The following CTNND2 variants were observed in gnomAD, a reference collection of about 807,000 sequenced individuals.
CTNND2 encodes the protein catenin delta-2.
In CTNND2, 22 loss-of-function variants were observed where a neutral mutation model predicts 144.4. The observed-to-expected ratio is 0.15, with a 90% CI of 0.11 to 0.22. The LOEUF (loss-of-function observed/expected upper bound fraction) is 0.22. Among genes scored for constraint, CTNND2 ranks in the 10% least tolerant of loss-of-function variants. The pLI, the probability that CTNND2 is intolerant of heterozygous loss-of-function variation, is 1.00. For missense variants in CTNND2, 1,353 were observed against 1,618.8 expected, an observed-to-expected ratio of 0.84 and a Z score of 2.82; for synonymous variants, 751 against 695.6, an observed-to-expected ratio of 1.08 and a Z score of -1.25.
intron 11 of CTNND2, among the ~76,000 whole-genome samples, chr5:11,160,736 G>C (rs1020120309): frequency 6.6e-6 from 1 of 152,174 alleles, no homozygotes; most frequent in African/African-American, 2.4e-5. Context: ...AATAGAACTT[G>C]TAGCTTATGT....
chr5:11,369,784 G>GAAT (rs1757297926), intron 7 of CTNND2, among the ~76,000 whole-genome samples: 5 of 150,180 alleles, frequency 3.3e-5, no homozygotes, highest in Admixed American at 2.8e-4. Flanking sequence ...TGGGATAGGG[G>GAAT]GATCAAGAAA....
chr5:11,286,607 G>A (rs982879360), intron 9 of CTNND2, among the ~76,000 whole-genome samples: 14 of 152,156 alleles, frequency 9.2e-5, no homozygotes, highest in African/African-American at 1.9e-4. Context: ...TGCTGAACAC[G>A]TGCTAAACTT....
chr5:11,297,970 C>G (rs984977325), intron 9 of CTNND2, among the ~76,000 whole-genome samples: 1 of 152,050 alleles, frequency 6.6e-6, no homozygotes, highest in Non-Finnish European at 1.5e-5. Flanking sequence ...TAGAGTACAA[C>G]AGGGGTGAGC....
At chr5:11,502,507 A>C (rs1480148519) in intron 3 of CTNND2, among the ~76,000 whole-genome samples, 1 of 152,182 alleles carries the variant, frequency 6.6e-6, no homozygotes, top group African/African-American at 2.4e-5. Flanking sequence ...TATAAATAAA[A>C]AATATGATAC....
intron 2 of CTNND2, among the ~76,000 whole-genome samples, chr5:11,700,056 A>G (rs1167519818): frequency 2.0e-5 from 3 of 152,170 alleles, no homozygotes; most frequent in Non-Finnish European, 4.4e-5. Context: ...TGTGTTTAAC[A>G]TATCAATATG....
chr5:11,196,968 A>C (rs1412698596), intron 11 of CTNND2, among the ~76,000 whole-genome samples: 1 of 152,208 alleles, frequency 6.6e-6, no homozygotes, highest in Non-Finnish European at 1.5e-5. Context: ...TGAGGCAATG[A>C]CTGTGCAGAT....
chr5:11,814,921 A>G (rs1792544261), intron 1 of CTNND2, among the ~76,000 whole-genome samples: 1 of 152,254 alleles, frequency 6.6e-6, no homozygotes, highest in Non-Finnish European at 1.5e-5. Context: ...GTTAGAATTG[A>G]CCATAGCAGA....
At chr5:11,666,532 T>C (rs953574955) in intron 2 of CTNND2, among the ~76,000 whole-genome samples, 6 of 152,128 alleles carry the variant, frequency 3.9e-5, no homozygotes, top group African/African-American at 1.4e-4. Context: ...GTTGAAGGAA[T>C]ATGTTTGGAT....
chr5:11,356,371 A>C (rs1581000545), intron 8 of CTNND2, among the ~76,000 whole-genome samples: 2 of 152,142 alleles, frequency 1.3e-5, no homozygotes, highest in African/African-American at 4.8e-5. Flanking sequence ...ATGGAAGAGA[A>C]TAGAGAGTCC....
At chr5:11,894,193 CA>C in intron 1 of CTNND2, among the ~76,000 whole-genome samples, 1 of 151,664 alleles carries the variant, frequency 6.6e-6, no homozygotes, top group East Asian at 1.9e-4. Context: ...CCAGACGCGG[CA>C]GCCCACCAAG....
chr5:11,395,556 A>G (rs1404525963), intron 6 of CTNND2, among the ~76,000 whole-genome samples: 1 of 152,222 alleles, frequency 6.6e-6, no homozygotes, highest in Non-Finnish European at 1.5e-5. Flanking sequence ...GAGCTTTGAT[A>G]TCTTTATAAC....
chr5:11,228,195 T>A (rs1740571233), intron 10 of CTNND2, among the ~76,000 whole-genome samples: 1 of 151,318 alleles, frequency 6.6e-6, no homozygotes, highest in African/African-American at 2.4e-5. Flanking sequence ...TACAAAAATT[T>A]TTAGCCAGGC....
intron 15 of CTNND2, among the ~76,000 whole-genome samples, chr5:11,083,379 T>A (rs1390880813): frequency 6.6e-6 from 1 of 152,208 alleles, no homozygotes; most frequent in Admixed American, 6.5e-5. Flanking sequence ...TGGATAAATG[T>A]AAATATGACA....
chr5:11,312,090 CCATA>C (rs1310985055), intron 9 of CTNND2, among the ~76,000 whole-genome samples: 4 of 113,790 alleles, frequency 3.5e-5, no homozygotes, highest in African/African-American at 1.2e-4. Flanking sequence ...TAAACACTCC[CCATA>C]CACACACCCC....
At chr5:11,169,904 C>T (rs567533241) in intron 11 of CTNND2, among the ~76,000 whole-genome samples, 9 of 152,204 alleles carry the variant, frequency 5.9e-5, no homozygotes, top group Non-Finnish European at 5.9e-5. Context: ...ACAGCTTTTT[C>T]ACAGAGCATC....
chr5:11,142,159 T>C (rs188932499), intron 12 of CTNND2, among the ~76,000 whole-genome samples: 8 of 152,306 alleles, frequency 5.3e-5, no homozygotes, highest in Non-Finnish European at 7.3e-5. Flanking sequence ...TATTCTGTTA[T>C]AGCAGCATAA....
chr5:11,405,627 A>C (rs984267998), intron 5 of CTNND2, among the ~76,000 whole-genome samples: 4 of 152,102 alleles, frequency 2.6e-5, no homozygotes, highest in African/African-American at 9.7e-5. Context: ...AACAGGTAGA[A>C]ATACTTTCTG....
intron 2 of CTNND2, among the ~76,000 whole-genome samples, chr5:11,602,674 A>T (rs1419367863): frequency 6.8e-6 from 1 of 146,216 alleles, no homozygotes; most frequent in East Asian, 1.9e-4. Context: ...TATAATATAT[A>T]TTATAGAAAA....
chr5:11,734,886 T>C (rs943437239), intron 1 of CTNND2, among the ~76,000 whole-genome samples: 19 of 152,206 alleles, frequency 1.2e-4, no homozygotes, highest in African/African-American at 4.6e-4. Context: ...TTTATTTGTT[T>C]TAATTTTATG....
Sources: allele counts gnomAD v4.1 joint callset (sites outside exome capture counted in the v4.1 genomes callset), GRCh38; gene constraint gnomAD v4.1.1; transcripts MANE v1.5; gene names NCBI Gene and HGNC (gene_info 2026-07-23, HGNC 2026-07-21).